Variants in DKKL1 observed in about 807,000 individuals in gnomAD.
The protein encoded by DKKL1 is dickkopf-like protein 1.
In DKKL1, 11 loss-of-function variants were observed where a neutral mutation model predicts 16.5. The observed-to-expected ratio is 0.67, with a 90% confidence interval of 0.42 to 1.10. DKKL1 has a LOEUF of 1.10. Among genes scored for constraint, DKKL1 ranks in the 50% least tolerant of loss-of-function variants. DKKL1 has a pLI of 0.00. For missense variants in DKKL1, 320 were observed against 308.1 expected (o/e 1.04, Z -0.29); for synonymous variants, 119 against 133.2 (o/e 0.89, Z 0.73).
At chr19:49,373,331 G>A (rs1395140096) in intron 4 of DKKL1, among the ~76,000 whole-genome samples, 3 of 151,194 alleles carry the variant, frequency 2.0e-5, no homozygotes, top group Admixed American at 2.0e-4. Context: ...ACACAGTCAT[G>A]TTGGATTAGG....
chr19:49,374,905 T>A lies in DKKL1; in HGVS notation c.606T>A (p.Asp202Glu), dbSNP rs771432379. The A allele has an allele frequency of 6.2e-7, 1 of 1,614,042 alleles. No individual in the cohort carries two copies. Among genetic ancestry groups the A allele is most frequent in the South Asian group, 1.1e-5 (1 of 91,076 alleles). The change falls in exon 5 of 5, where the codon GAT (aspartate) becomes GAA (glutamate). Residue 202 changes from aspartate (D) to glutamate (E), a missense_variant. By Grantham distance (45) the Asp-to-Glu change is conservative. Coordinates refer to ENST00000221498, the MANE Select transcript of DKKL1 (RefSeq NM_014419.4). ...EKRHRLQAIRDGLRKGTHKDV... is the reference protein window; with the variant it reads ...EKRHRLQAIREGLRKGTHKDV... ...GACACCGCCTGCAGGCCATCCGGGA[T>A]GGACTCCGCAAGGGGACCCACAAGG... is the stretch of plus-strand genomic sequence containing the variant.
rs772768508 is a variant in DKKL1 at position 49,365,517 on chromosome 19, G to C, written c.192G>C (p.Leu64=). ...GFSRLFLKGN[L]LRGIDSLFSA... is the part of the protein sequence containing the mutation. ...CCCTCCTCCGGCCCCAGGGTAACCT[G>C]CTTCGGGGCATAGACAGCTTATTCT... is the stretch of plus-strand genomic sequence containing the variant. Residue 64 remains leucine (L), a synonymous_variant, in exon 3 of 5, where the codon CTG becomes CTC. Coordinates refer to ENST00000221498, the MANE Select transcript of DKKL1 (RefSeq NM_014419.4). 1.2e-6 allele frequency: 2 copies of C among 1,605,112 alleles called. No individual in the cohort carries two copies. Among genetic ancestry groups the C allele is most frequent in the East Asian group, 4.5e-5 (2 of 44,680 alleles).
chr19:49,360,624 G>T (rs957384891), upstream of DKKL1, among the ~76,000 whole-genome samples: 1 of 151,912 alleles, frequency 6.6e-6, no homozygotes, highest in Non-Finnish European at 1.5e-5. Context: ...GAAGGAAGGT[G>T]TGGGTGAAAC....
chr19:49,363,874 A>C (rs914844088), upstream of DKKL1: 2 of 1,390,554 alleles, frequency 1.4e-6, no homozygotes, highest in Admixed American at 4.0e-5. Context: ...AACGCTCTAG[A>C]CCAGACCTGG....
intron 4 of DKKL1, 52 bp from the exon 5 acceptor site, chr19:49,374,665 T>C: frequency 6.7e-7 from 1 of 1,499,042 alleles, no homozygotes; most frequent in Non-Finnish European, 8.9e-7. Context: ...GGACTGACCA[T>C]CCTGGGGTGC....
upstream of DKKL1, chr19:49,363,781 A>G: frequency 1.6e-6 from 1 of 635,778 alleles, no homozygotes. Flanking sequence ...CATGGAGTAG[A>G]GGCCCGGGCT....
chr19:49,372,030 T>C (rs755778999), intron 4 of DKKL1, among the ~76,000 whole-genome samples: 3 of 152,334 alleles, frequency 2.0e-5, no homozygotes, highest in Non-Finnish European at 2.9e-5. Flanking sequence ...TGATGGACAA[T>C]TGGGTTGGTT....
At chr19:49,363,635 G>T (rs889429571), upstream of DKKL1, 1 of 350,330 alleles carries the variant, frequency 2.9e-6, no homozygotes, top group African/African-American at 2.7e-5. Context: ...TCCAGGACTT[G>T]GTCTCCAGGA....
chr19:49,367,923 C>T (rs1441889876), intron 4 of DKKL1, among the ~76,000 whole-genome samples: 1 of 152,072 alleles, frequency 6.6e-6, no homozygotes, highest in South Asian at 2.1e-4. Context: ...CACCTATAAT[C>T]CTAGCAATTT....
At chr19:49,365,743 G>A (rs1973224023) in intron 3 of DKKL1, 50 bp from the exon 4 acceptor site, 1 of 1,604,960 alleles carries the variant, frequency 6.2e-7, no homozygotes, top group African/African-American at 1.3e-5. Context: ...GGGAAGGAGG[G>A]CGGAGGAGGA....
At position 49,374,845 on chromosome 19, in the gene DKKL1, T is replaced by C. The variant is rs1434609861; in HGVS notation, c.546T>C (p.Asp182=). Residue 182 remains aspartate, a synonymous_variant, in exon 5 of 5, where the codon GAT becomes GAC. Coordinates refer to ENST00000221498, the MANE Select transcript of DKKL1 (RefSeq NM_014419.4). ...IKLPRRRSHQ[D]ALEGGHWLSE... ...TGCCACGGCGGAGGTCCCACCAGGA[T>C]GCCCTGGAGGGCGGCCACTGGCTCA... 1.9e-6 allele frequency: 3 copies of C among 1,613,864 alleles called. No individual in the cohort carries two copies. The highest frequency in any genetic ancestry group is 2.7e-5 in the African/African-American group (2 of 75,056).
chr19:49,366,611 T>C (rs921647531), intron 4 of DKKL1, among the ~76,000 whole-genome samples: 1 of 152,176 alleles, frequency 6.6e-6, no homozygotes, highest in South Asian at 2.1e-4. Context: ...TATTTTTCAA[T>C]CTATCCCAAA....
chr19:49,367,476 A>G (rs1431511774), intron 4 of DKKL1, among the ~76,000 whole-genome samples: 1 of 147,042 alleles, frequency 6.8e-6, no homozygotes, highest in East Asian at 2.0e-4. Context: ...GTGCGATCTC[A>G]GCTCACTGCA....
rs1452446432 is a variant in DKKL1 at position 49,365,907 on chromosome 19, A to C, written c.417+22A>C. The stretch of plus-strand genomic sequence containing the variant: ...GAAGGTTAGGACGTGCCCCGCCGTC[A>C]AAGTGTCCAGGCCCAAACATTTTCT... On this transcript the variant is annotated intron_variant, in intron 4 of 4. Transcript: ENST00000221498. 2.5e-6 allele frequency: 4 copies of C among 1,608,556 alleles called. No individual in the cohort carries two copies. In the East Asian group the frequency reaches 6.7e-5, roughly 27 times the overall value.
intron 4 of DKKL1, among the ~76,000 whole-genome samples, chr19:49,373,750 T>C (rs1206407868): frequency 3.3e-5 from 5 of 151,984 alleles, no homozygotes; most frequent in African/African-American, 9.7e-5. Context: ...ATTACACACA[T>C]GAGCCACCGC....
Position 49,365,881 on chromosome 19 carries a change from T to C in DKKL1, c.413T>C (p.Leu138Ser). 6.2e-7 allele frequency: 1 copy of C among 1,614,000 alleles called. No homozygotes were observed. The highest frequency in any genetic ancestry group is 1.1e-5 in the South Asian group (1 of 91,044). ...GCGGAGGGGAGCTTCGAGGGTGATT[T>C]GAAGGTTAGGACGTGCCCCGCCGTC... ...QPAEGSFEGD[L>S]KVPRMEEKEA... The change falls in exon 4 of 5, where the codon TTG becomes TCG. Residue 138 changes from leucine to serine, a missense_variant. Physicochemically the swap from Leu to Ser is moderately radical, Grantham distance 145. Coordinates refer to ENST00000221498, the MANE Select transcript of DKKL1 (RefSeq NM_014419.4).
At position 49,374,933 on chromosome 19, in the gene DKKL1, G is replaced by A. The variant is rs553391194; in HGVS notation, c.634G>A (p.Val212Ile). 5.6e-5 allele frequency: 90 copies of A among 1,613,910 alleles called. No individual in the cohort carries two copies. Among genetic ancestry groups the A allele is most frequent in the Admixed American group, 3.0e-4 (18 of 60,006 alleles). ...DGLRKGTHKD[V>I]LEEGTESSSH... ...ACTCCGCAAGGGGACCCACAAGGAC[G>A]TCCTAGAAGAGGGGACCGAGAGCTC... Residue 212 changes from valine to isoleucine, a missense_variant, in exon 5 of 5, where the codon GTC (valine) becomes ATC (isoleucine). By Grantham distance (29) the Val-to-Ile change is conservative. Coordinates refer to ENST00000221498, the MANE Select transcript of DKKL1 (RefSeq NM_014419.4).
chr19:49,374,841 A>G lies in DKKL1; in HGVS notation c.542A>G (p.Gln181Arg). 1 of 1,613,858 alleles carries G rather than the reference A, an allele frequency of 6.2e-7. No individual in the cohort carries two copies. Among genetic ancestry groups the G allele is most frequent in the African/African-American group, 1.3e-5 (1 of 75,062 alleles). The change falls in exon 5 of 5, where the codon CAG becomes CGG. Residue 181 changes from glutamine (Q) to arginine (R), a missense_variant. Transcript: ENST00000221498. ...IIKLPRRRSHQDALEGGHWLS... is the reference protein window; with the variant it reads ...IIKLPRRRSHRDALEGGHWLS... Reference sequence around the variant, plus strand: ...AAGCTGCCACGGCGGAGGTCCCACCAGGATGCCCTGGAGGGCGGCCACTGG... The same window carrying G: ...AAGCTGCCACGGCGGAGGTCCCACCGGGATGCCCTGGAGGGCGGCCACTGG...
intron 4 of DKKL1, chr19:49,370,238 T>C (rs963024180): frequency 3.3e-5 from 5 of 151,892 alleles, no homozygotes; most frequent in Non-Finnish European, 7.4e-5. Context: ...CCAATGAAAT[T>C]TCAGATTAGG....
Sources: allele counts gnomAD v4.1 joint callset (sites outside exome capture counted in the v4.1 genomes callset), GRCh38; gene constraint gnomAD v4.1.1; transcripts MANE v1.5; gene names NCBI Gene and HGNC (gene_info 2026-07-23, HGNC 2026-07-21).